Variants in ADGRB3 observed in about 807,000 individuals in gnomAD.
The protein encoded by ADGRB3 is adhesion G protein-coupled receptor B3.
ADGRB3 carries 37 observed loss-of-function variants against 193.4 expected under a neutral mutation model. The observed-to-expected ratio is 0.19, with a 90% CI of 0.15 to 0.25. The LOEUF (loss-of-function observed/expected upper bound fraction) is 0.25. Among genes scored for constraint, ADGRB3 ranks in the 10% least tolerant of loss-of-function variants. The probability of loss-of-function intolerance (pLI) is 1.00; values close to 1 mark genes in which losing one functional copy is unlikely to be tolerated. For missense variants in ADGRB3, 1,637 were observed against 1,852.9 expected, an observed-to-expected ratio of 0.88 and a Z score of 2.14; for synonymous variants, 690 against 644.2, an observed-to-expected ratio of 1.07 and a Z score of -1.08.
In ADGRB3 at chr6:69,204,003, A is replaced by AT. The variant is rs989298105; in HGVS notation, c.2481-29277dup. On this transcript the variant is annotated intron_variant, in intron 17 of 31. Transcript: ENST00000370598. ...CTTTGATAAAAGGAACAAAGCTAGC[A>AT]TTTTTTTTTTAACAATCCCAAAGCT... Among the ~76,000 whole-genome samples, 200 of 149,532 alleles carry AT rather than the reference A, an allele frequency of 1.3e-3. 2 individuals carry two copies. Among genetic ancestry groups the AT allele is most frequent in the South Asian group, 3.2e-3 (15 of 4,750 alleles).
intron 3 of ADGRB3, among the ~76,000 whole-genome samples, chr6:68,782,622 T>A (rs1766877978): frequency 6.6e-6 from 1 of 152,138 alleles, no homozygotes. Flanking sequence ...CTCCACATCC[T>A]CTCCAGCACC....
At chr6:69,136,840 G>A (rs752245570) in intron 17 of ADGRB3, among the ~76,000 whole-genome samples, 5 of 151,644 alleles carry the variant, frequency 3.3e-5, no homozygotes, top group African/African-American at 9.7e-5. Context: ...TTTGAATAGC[G>A]CCCCACTTTT....
intron 17 of ADGRB3, among the ~76,000 whole-genome samples, chr6:69,119,160 G>A (rs943040306): frequency 1.8e-4 from 28 of 152,174 alleles, no homozygotes; most frequent in East Asian, 5.8e-4. Context: ...ATTGACAATT[G>A]TAGTTATGTC....
At chr6:68,636,271 T>C (rs1019553575) in intron 1 of ADGRB3, among the ~76,000 whole-genome samples, 2 of 151,870 alleles carry the variant, frequency 1.3e-5, no homozygotes, top group Non-Finnish European at 2.9e-5. Flanking sequence ...GGTAATTTTA[T>C]GAGGGGAAAA....
At chr6:68,833,829 C>T (rs896506396) in intron 3 of ADGRB3, among the ~76,000 whole-genome samples, 19 of 151,698 alleles carry the variant, frequency 1.3e-4, no homozygotes, top group African/African-American at 4.6e-4. Context: ...ATAATCCAAA[C>T]AAATATATTT....
At chr6:68,839,035 ATCTC>A (rs377233573) in intron 3 of ADGRB3, among the ~76,000 whole-genome samples, 51 of 150,222 alleles carry the variant, frequency 3.4e-4, no homozygotes, top group African/African-American at 8.8e-4. Flanking sequence ...CCCTCTCTCT[ATCTC>A]TCTTTCTCTC....
At chr6:69,075,911 ATTCTGT>A (rs1299894004) in intron 16 of ADGRB3, 78 bp from the exon 17 acceptor site, 27 of 1,006,608 alleles carry the variant, frequency 2.7e-5, no homozygotes, top group Non-Finnish European at 3.5e-5. Flanking sequence ...GAAATCTTCC[ATTCTGT>A]TTCTATTTCA....
chr6:69,031,534 T>TTTCC (rs1770690763), intron 13 of ADGRB3, among the ~76,000 whole-genome samples: 1 of 57,000 alleles, frequency 1.8e-5, no homozygotes, highest in Non-Finnish European at 4.0e-5. Context: ...TCTTTCTTTC[T>TTTCC]TTCTTTCTTT....
intron 3 of ADGRB3, among the ~76,000 whole-genome samples, chr6:68,702,057 A>G (rs1017633924): frequency 2.0e-5 from 3 of 152,152 alleles, no homozygotes; most frequent in Admixed American, 1.3e-4. Context: ...GAGGTAATCC[A>G]TAAGAAAAAG....
intron 3 of ADGRB3, among the ~76,000 whole-genome samples, chr6:68,797,618 AT>A (rs1767236233): frequency 6.6e-6 from 1 of 152,140 alleles, no homozygotes; most frequent in Non-Finnish European, 1.5e-5. Context: ...GGAAGCTCCT[AT>A]TTAAGGAGCT....
chr6:69,037,997 T>G (rs1372051208), intron 13 of ADGRB3, among the ~76,000 whole-genome samples: 2 of 152,208 alleles, frequency 1.3e-5, no homozygotes, highest in African/African-American at 4.8e-5. Flanking sequence ...GAGACTTTTT[T>G]CACAGGTGTA....
intron 20 of ADGRB3, among the ~76,000 whole-genome samples, chr6:69,313,952 A>G (rs1372014363): frequency 1.3e-5 from 2 of 151,762 alleles, no homozygotes; most frequent in Non-Finnish European, 2.9e-5. Flanking sequence ...CTTTTTATGA[A>G]CAACCACTGT....
chr6:69,176,561 T>A (rs868409821), intron 17 of ADGRB3, among the ~76,000 whole-genome samples: 1 of 152,186 alleles, frequency 6.6e-6, no homozygotes, highest in African/African-American at 2.4e-5. Flanking sequence ...TTTTTGTGTG[T>A]GTGTCCATGT....
intron 3 of ADGRB3, among the ~76,000 whole-genome samples, chr6:68,683,468 A>G (rs1313246028): frequency 6.6e-6 from 1 of 152,226 alleles, no homozygotes; most frequent in Non-Finnish European, 1.5e-5. Flanking sequence ...GCTTACAAAA[A>G]TTATATGTAC....
intron 26 of ADGRB3, among the ~76,000 whole-genome samples, chr6:69,349,556 TATC>T (rs1371828052): frequency 6.6e-6 from 1 of 152,182 alleles, no homozygotes; most frequent in Non-Finnish European, 1.5e-5. Context: ...TCATATCAAC[TATC>T]ATAATACATA....
Position 69,106,164 on chromosome 6 carries a change from T to TAAAAAAAAAAAAAAAAAAAA in ADGRB3, c.2480+30145_2480+30146insAAAAAAAAAAAAAAAAAAAA, listed in dbSNP as rs61114782. Among the ~76,000 whole-genome samples the TAAAAAAAAAAAAAAAAAAAA allele has an allele frequency of 1.5e-4, 14 of 91,064 alleles. 1 individual carries two copies. The highest frequency in any genetic ancestry group is 3.8e-4 in the African/African-American group (9 of 23,860). The allele number at this position is 91,064 out of a possible 152,430, so 59.7% of individuals were successfully genotyped here. On this transcript the variant is annotated intron_variant, in intron 17 of 31. Coordinates refer to ENST00000370598, the MANE Select transcript of ADGRB3 (RefSeq NM_001704.3). Reference sequence around the variant, plus strand: ...ACAGGCTTTTTCTGTGAGACTGCGTTAAAAAAAAAAAAAAAAAAAGAAAAG... The same window carrying TAAAAAAAAAAAAAAAAAAAA: ...ACAGGCTTTTTCTGTGAGACTGCGTTAAAAAAAAAAAAAAAAAAAAAAAAAAAAAAAAAAAAAAAGAAAAG...
chr6:69,369,646 T>G (rs1182305987), intron 29 of ADGRB3, among the ~76,000 whole-genome samples: 1 of 148,232 alleles, frequency 6.7e-6, no homozygotes, highest in South Asian at 2.1e-4. Context: ...TGCAGTGAGC[T>G]GTGATCATGC....
intron 17 of ADGRB3, among the ~76,000 whole-genome samples, chr6:69,213,867 G>A (rs974295347): frequency 1.3e-5 from 2 of 151,948 alleles, no homozygotes; most frequent in Admixed American, 1.3e-4. Context: ...TTTGCTCAAC[G>A]AACCCTCATT....
intron 20 of ADGRB3, among the ~76,000 whole-genome samples, chr6:69,240,095 T>C (rs1766353102): frequency 6.6e-6 from 1 of 152,108 alleles, no homozygotes; most frequent in Non-Finnish European, 1.5e-5. Context: ...ATAGGTTCTT[T>C]TCATGTATTA....
Sources: gnomAD v4.1 joint callset for allele counts (sites outside exome capture counted in the v4.1 genomes callset) on GRCh38, gnomAD v4.1.1 for gene constraint, MANE v1.5 for transcripts, NCBI Gene and HGNC (gene_info 2026-07-23, HGNC 2026-07-21) for gene names.